C1orf21: variants seen among roughly 807,000 people sequenced by gnomAD.
C1orf21 encodes the protein chromosome 1 open reading frame 21.
A neutral mutation model predicts 18.7 loss-of-function variants in C1orf21; 3 were observed. The observed-to-expected ratio is 0.16, with a 90% CI of 0.07 to 0.42. C1orf21 has a LOEUF of 0.42. Among genes scored for constraint, C1orf21 ranks in the 10% least tolerant of loss-of-function variants. The pLI is 0.99. For synonymous variants in C1orf21, 41 were observed against 46.4 expected (o/e 0.88, Z 0.47); for missense variants, 104 against 143.6 (o/e 0.72, Z 1.41).
chr1:184,589,359 C>T (rs959359077), intron 3 of C1orf21, among the ~76,000 whole-genome samples: 1 of 152,194 alleles, frequency 6.6e-6, no homozygotes, highest in Middle Eastern at 3.2e-3. Context: ...TTTTTGACAT[C>T]GTTCATTCAT....
chr1:184,532,441 G>C (rs368332404), intron 3 of C1orf21, among the ~76,000 whole-genome samples: 1 of 152,104 alleles, frequency 6.6e-6, no homozygotes, highest in African/African-American at 2.4e-5. Flanking sequence ...GATTATATGG[G>C]TATGAGTCAA....
chr1:184,436,203 C>T (rs1418031386), intron 1 of C1orf21, among the ~76,000 whole-genome samples: 1 of 152,108 alleles, frequency 6.6e-6, no homozygotes, highest in Non-Finnish European at 1.5e-5. Flanking sequence ...GTTTGTGTTA[C>T]AACTTGTTGG....
At chr1:184,507,191 T>G (rs1306489106) in intron 2 of C1orf21, among the ~76,000 whole-genome samples, 2 of 152,288 alleles carry the variant, frequency 1.3e-5, no homozygotes. Context: ...ACAGGCATTT[T>G]GGACTAATAC....
chr1:184,556,090 C>A (rs978587929), intron 3 of C1orf21, among the ~76,000 whole-genome samples: 4 of 152,070 alleles, frequency 2.6e-5, no homozygotes, highest in Non-Finnish European at 4.4e-5. Flanking sequence ...AACACACACA[C>A]AACACACACA....
intron 1 of C1orf21, among the ~76,000 whole-genome samples, chr1:184,444,542 C>G (rs1316802479): frequency 6.6e-6 from 1 of 152,128 alleles, no homozygotes; most frequent in Non-Finnish European, 1.5e-5. Context: ...TCCAATTAAA[C>G]CTCTTTTTCT....
At chr1:184,436,581 G>A (rs1436263615) in intron 1 of C1orf21, among the ~76,000 whole-genome samples, 3 of 152,092 alleles carry the variant, frequency 2.0e-5, no homozygotes, top group Admixed American at 2.0e-4. Context: ...AAAAAAAAAT[G>A]TGACCTGTAC....
At chr1:184,568,140 C>T (rs1462236372) in intron 3 of C1orf21, among the ~76,000 whole-genome samples, 1 of 152,180 alleles carries the variant, frequency 6.6e-6, no homozygotes, top group Non-Finnish European at 1.5e-5. Context: ...AGGCTAGAGC[C>T]CAGGCATTCT....
chr1:184,533,541 A>G (rs748787276), intron 3 of C1orf21, among the ~76,000 whole-genome samples: 3 of 152,256 alleles, frequency 2.0e-5, no homozygotes, highest in Non-Finnish European at 4.4e-5. Flanking sequence ...ATGCTAAGAA[A>G]TAAGGCTTCA....
At chr1:184,418,417 T>C (rs1656494161) in intron 1 of C1orf21, among the ~76,000 whole-genome samples, 2 of 152,210 alleles carry the variant, frequency 1.3e-5, no homozygotes, top group Admixed American at 1.3e-4. Context: ...TTTCACCATG[T>C]TGCCCAGTCT....
rs150424188 is a variant in C1orf21, at chr1:184,445,619, T to C, written c.-124-31767T>C. On this transcript the variant is annotated intron_variant, in intron 1 of 5. Transcript: ENST00000235307. The stretch of plus-strand genomic sequence containing the variant: ...CATTGGAACATACTTGCTGTAGATA[T>C]TGAAAAAAAAATTTGTTCTTTTGAG... 3.7e-3 allele frequency among the ~76,000 whole-genome samples: 555 copies of C among 152,040 alleles called. 22 individuals are homozygous for C. The East Asian group carries it at 0.081, about 22-fold the overall frequency.
intron 3 of C1orf21, among the ~76,000 whole-genome samples, chr1:184,561,263 G>GTA (rs1658959442): frequency 6.6e-6 from 1 of 152,154 alleles, no homozygotes; most frequent in Non-Finnish European, 1.5e-5. Context: ...ACACTCTGGT[G>GTA]TACAGCTCCC....
chr1:184,505,686 C>A (rs1363561076), intron 2 of C1orf21, among the ~76,000 whole-genome samples: 1 of 151,784 alleles, frequency 6.6e-6, no homozygotes, highest in Non-Finnish European at 1.5e-5. Context: ...TTGCTTGAAC[C>A]CGGGAGGCGG....
chr1:184,604,102 ATGT>A (rs1290199512), intron 5 of C1orf21, among the ~76,000 whole-genome samples: 5 of 152,346 alleles, frequency 3.3e-5, no homozygotes, highest in Admixed American at 2.6e-4. Flanking sequence ...GTGAACTATG[ATGT>A]TGGGTTCTAC....
At chr1:184,514,357 T>C (rs1339863921) in intron 3 of C1orf21, among the ~76,000 whole-genome samples, 1 of 152,204 alleles carries the variant, frequency 6.6e-6, no homozygotes, top group Non-Finnish European at 1.5e-5. Context: ...ATATATTTAA[T>C]GTATATATAC....
At chr1:184,572,975 C>T (rs1390914224) in intron 3 of C1orf21, among the ~76,000 whole-genome samples, 1 of 150,916 alleles carries the variant, frequency 6.6e-6, no homozygotes, top group East Asian at 1.9e-4. Flanking sequence ...AAATACACTT[C>T]AGTCAAGTGG....
chr1:184,531,851 T>G (rs1252646227), intron 3 of C1orf21, among the ~76,000 whole-genome samples: 2 of 152,236 alleles, frequency 1.3e-5, no homozygotes, highest in Non-Finnish European at 2.9e-5. Context: ...CAGACAATTT[T>G]AATGAGACAT....
intron 5 of C1orf21, among the ~76,000 whole-genome samples, chr1:184,605,315 G>A (rs780982551): frequency 6.6e-6 from 1 of 152,270 alleles, no homozygotes; most frequent in Middle Eastern, 3.4e-3. Flanking sequence ...TGTTATTTAC[G>A]AACATCTAAA....
intron 1 of C1orf21, among the ~76,000 whole-genome samples, chr1:184,422,244 C>T (rs971476806): frequency 2.0e-5 from 3 of 152,276 alleles, no homozygotes; most frequent in East Asian, 1.9e-4. Flanking sequence ...AAACTCAGCT[C>T]GAATATCACC....
intron 3 of C1orf21, among the ~76,000 whole-genome samples, chr1:184,527,262 TG>T: frequency 6.6e-6 from 1 of 152,166 alleles, no homozygotes; most frequent in Non-Finnish European, 1.5e-5. Flanking sequence ...CCTTATCAAG[TG>T]TGGCAGCTAT....
Sources: allele counts gnomAD v4.1 joint callset (sites outside exome capture counted in the v4.1 genomes callset), GRCh38; gene constraint gnomAD v4.1.1; transcripts MANE v1.5; gene names NCBI Gene and HGNC (gene_info 2026-07-23, HGNC 2026-07-21).